Variants in NFAT5 observed in about 807,000 individuals in gnomAD.
The protein encoded by NFAT5 is nuclear factor of activated T cells 5.
A neutral mutation model predicts 166.5 loss-of-function variants in NFAT5; 31 were observed. The ratio of observed to expected loss-of-function variants is 0.19; its 90% CI spans 0.14 to 0.25. The LOEUF (loss-of-function observed/expected upper bound fraction) is 0.25. Ranked by LOEUF, NFAT5 falls within the 10% of genes least tolerant of loss-of-function variation. The pLI, the probability that NFAT5 is intolerant of heterozygous loss-of-function variation, is 1.00. For missense variants in NFAT5, 1,449 were observed against 1,821.8 expected, an observed-to-expected ratio of 0.80 and a Z score of 3.72; for synonymous variants, 612 against 639.7, an observed-to-expected ratio of 0.96 and a Z score of 0.65.
At chr16:69,677,391 GAAAGAATATGAAGATGACTAGCC>G in intron 10 of NFAT5, 56 bp downstream of exon 10, 1 of 1,439,236 alleles carries the variant, frequency 6.9e-7, no homozygotes, top group Non-Finnish European at 9.3e-7. Flanking sequence ...CCAGTTTTTT[GAAAGAATATGAAGATGACTAGCC>G]AACCAAAAAG....
intron 4 of NFAT5, among the ~76,000 whole-genome samples, chr16:69,651,671 A>T (rs958290929): frequency 4.7e-4 from 67 of 142,964 alleles, no homozygotes; most frequent in Non-Finnish European, 8.4e-4. Context: ...ACATACGTGA[A>T]TTTTTTTTTT....
At chr16:69,571,129 T>TAA (rs56221116) in intron 2 of NFAT5, among the ~76,000 whole-genome samples, 809 of 31,334 alleles carry the variant, frequency 0.026, 170 homozygotes, top group African/African-American at 0.042. Context: ...CCATCTCTAC[T>TAA]AAAAAAAAAA....
intron 7 of NFAT5, among the ~76,000 whole-genome samples, chr16:69,666,541 A>G (rs1160852159): frequency 6.6e-6 from 1 of 152,254 alleles, no homozygotes; most frequent in Non-Finnish European, 1.5e-5. Context: ...AAAAGAAGAC[A>G]TTTATGCAGG....
In NFAT5 at chr16:69,608,485, G is replaced by T. The variant is rs868197988; in HGVS notation, c.128-17918G>T. Among the ~76,000 whole-genome samples, 35 of 152,258 alleles carry T rather than the reference G, an allele frequency of 2.3e-4. No individual in the cohort carries two copies. In the Middle Eastern group the frequency reaches 0.024, roughly 104 times the overall value. On this transcript the variant is annotated intron_variant, in intron 2 of 14. Coordinates refer to ENST00000349945, the MANE Select transcript of NFAT5 (RefSeq NM_138713.4). ...AGAAGACTGCTGGGTGGCCAGGCGC[G>T]GTGGCTCACGCCTGTAATCCCAGCA...
chr16:69,674,901 A>G (rs2036771493), intron 9 of NFAT5, among the ~76,000 whole-genome samples: 1 of 152,210 alleles, frequency 6.6e-6, no homozygotes, highest in African/African-American at 2.4e-5. Flanking sequence ...TCCTCTTTTT[A>G]TCCCAAAGAG....
At chr16:69,660,156 G>T (rs1313828885) in intron 7 of NFAT5, among the ~76,000 whole-genome samples, 1 of 152,170 alleles carries the variant, frequency 6.6e-6, no homozygotes, top group Non-Finnish European at 1.5e-5. Context: ...ATTTGGACCA[G>T]ACAGGGTGGC....
At chr16:69,580,658 A>C (rs1022730083) in intron 2 of NFAT5, among the ~76,000 whole-genome samples, 1 of 152,152 alleles carries the variant, frequency 6.6e-6, no homozygotes, top group Non-Finnish European at 1.5e-5. Flanking sequence ...ATGAAATCCA[A>C]ATTCTTTTTA....
chr16:69,644,643 C>A (rs189789848), intron 3 of NFAT5, among the ~76,000 whole-genome samples: 57 of 152,268 alleles, frequency 3.7e-4, no homozygotes, highest in African/African-American at 1.3e-3. Flanking sequence ...ATAATCATTA[C>A]GGTTTTGATA....
At chr16:69,603,571 GT>G (rs1349373441) in intron 2 of NFAT5, among the ~76,000 whole-genome samples, 1 of 152,104 alleles carries the variant, frequency 6.6e-6, no homozygotes, top group Non-Finnish European at 1.5e-5. Context: ...GGGCAATAAA[GT>G]AAGACCTCAT....
chr16:69,601,916 G>A (rs886671819), intron 2 of NFAT5, among the ~76,000 whole-genome samples: 1 of 152,164 alleles, frequency 6.6e-6, no homozygotes, highest in African/African-American at 2.4e-5. Context: ...TCTTGAGAAT[G>A]GATCCAAATG....
At position 69,566,446 on chromosome 16, in the gene NFAT5, G is replaced by A; in HGVS notation, c.73+72G>A. 7.5e-7 allele frequency: 1 copy of A among 1,330,056 alleles called. No homozygotes were observed. The highest frequency in any genetic ancestry group is 2.0e-5 in the Admixed American group (1 of 50,546). 82.4% of individuals were successfully genotyped at this position (1,330,056 alleles called of 1,614,324 possible). A position where few individuals can be genotyped will look rare whatever the true frequency, so the allele number is the denominator to read the frequency against. ...AGACAGGGAGACAGGGCCAGGGGAG[G>A]CGAGGGGTCCCCGTCCCGCCGGGGG... On this transcript the variant is annotated intron_variant, in intron 1 of 14. Coordinates refer to ENST00000349945, the MANE Select transcript of NFAT5 (RefSeq NM_138713.4). This position sits in a 1 kb window ranked among gnomAD's most constrained non-coding sequence, Gnocchi z 5.7.
chr16:69,623,167 G>T (rs1004311497), intron 2 of NFAT5, among the ~76,000 whole-genome samples: 1 of 151,946 alleles, frequency 6.6e-6, no homozygotes, highest in Admixed American at 6.6e-5. Flanking sequence ...ATGGACTTGA[G>T]TGTGTTTCTC....
At chr16:69,592,349 G>C (rs1249494081) in intron 2 of NFAT5, among the ~76,000 whole-genome samples, 1 of 151,956 alleles carries the variant, frequency 6.6e-6, no homozygotes, top group Non-Finnish European at 1.5e-5. Context: ...CAGAGTGCTG[G>C]GATTACAGGC....
intron 7 of NFAT5, among the ~76,000 whole-genome samples, chr16:69,669,544 CA>C (rs890413874): frequency 8.3e-5 from 12 of 145,034 alleles, no homozygotes; most frequent in African/African-American, 1.5e-4. Context: ...GACTCAGTCT[CA>C]AAAAAAAAAG....
At chr16:69,634,209 G>A (rs934031805) in intron 3 of NFAT5, among the ~76,000 whole-genome samples, 2 of 147,576 alleles carry the variant, frequency 1.4e-5, no homozygotes, top group African/African-American at 2.5e-5. Flanking sequence ...AACCTGGGAG[G>A]CAGAGGTTAC....
chr16:69,604,586 ATT>A (rs1369089240), intron 2 of NFAT5, among the ~76,000 whole-genome samples: 1 of 152,154 alleles, frequency 6.6e-6, no homozygotes, highest in African/African-American at 2.4e-5. Flanking sequence ...TTTTTTAAAA[ATT>A]TTTTATTGCG....
intron 13 of NFAT5, among the ~76,000 whole-genome samples, chr16:69,694,894 T>C (rs1227230533): frequency 2.6e-5 from 4 of 152,234 alleles, no homozygotes; most frequent in African/African-American, 4.8e-5. Context: ...TAAGCAAAGT[T>C]GTATTTTTAG....
chr16:69,575,204 G>A (rs2016676639), intron 2 of NFAT5, among the ~76,000 whole-genome samples: 1 of 152,094 alleles, frequency 6.6e-6, no homozygotes, highest in African/African-American at 2.4e-5. Flanking sequence ...GAGTCTCTCT[G>A]TTGCTTAGGC....
intron 11 of NFAT5, chr16:69,685,698 T>C (rs1388220239): frequency 1.3e-5 from 2 of 152,164 alleles, no homozygotes; most frequent in African/African-American, 4.8e-5. Context: ...TCATCTATAG[T>C]TATTGCTGAA....
Sources: allele counts gnomAD v4.1 joint callset (sites outside exome capture counted in the v4.1 genomes callset), GRCh38; gene constraint gnomAD v4.1.1; non-coding constraint Gnocchi (gnomAD v3.1); transcripts MANE v1.5; gene names NCBI Gene and HGNC (gene_info 2026-07-23, HGNC 2026-07-21).